The following RAI1 variants were observed in gnomAD, a reference collection of about 807,000 sequenced individuals.
RAI1 encodes retinoic acid-induced protein 1.
A neutral mutation model predicts 123.8 loss-of-function variants in RAI1; 9 were observed. That is an observed-to-expected ratio of 0.07 (90% confidence interval 0.04 to 0.13). The LOEUF is 0.13. RAI1 is among the 10% of genes least tolerant of loss of function. RAI1 has a pLI of 1.00. For synonymous variants in RAI1, 1,231 were observed against 1,127.3 expected, an observed-to-expected ratio of 1.09 and a Z score of -1.84; for missense variants, 2,256 against 2,545.8, an observed-to-expected ratio of 0.89 and a Z score of 2.45.
chr17:17,749,488 C>G (rs1019110413), intron 2 of RAI1, among the ~76,000 whole-genome samples: 3 of 152,222 alleles, frequency 2.0e-5, no homozygotes, highest in African/African-American at 7.2e-5. Context: ...CTCTGAGATT[C>G]AGAGATGCCC....
intron 2 of RAI1, among the ~76,000 whole-genome samples, chr17:17,772,099 G>A (rs2031182157): frequency 6.6e-6 from 1 of 152,190 alleles, no homozygotes; most frequent in Admixed American, 6.5e-5. Flanking sequence ...GGAAATGTAA[G>A]CCAGACTCAA....
Position 17,714,435 on chromosome 17 carries a change from T to G in RAI1, c.-148-9593T>G, listed in dbSNP as rs1178448172. On this transcript the variant is annotated intron_variant, in intron 1 of 5. Transcript: ENST00000353383. The surrounding 1 kb of genome is among the most constrained non-coding windows in gnomAD (Gnocchi z 4.9). ...CTGTGAAATTGGAATTTGATACTAA[T>G]CCTGGAGATTGAAAACTCAAACCTC... Among the ~76,000 whole-genome samples the G allele has an allele frequency of 6.6e-6, 1 of 152,042 alleles. No individual in the cohort carries two copies. Among genetic ancestry groups the G allele is most frequent in the African/African-American group, 2.4e-5 (1 of 41,386 alleles).
At chr17:17,682,967 C>T (rs548632979) in intron 1 of RAI1, among the ~76,000 whole-genome samples, 10 of 152,204 alleles carry the variant, frequency 6.6e-5, no homozygotes, top group Non-Finnish European at 1.2e-4. Flanking sequence ...GGCGCTGCTC[C>T]GCGCGCCGCA....
At chr17:17,773,117 T>C (rs1017500711) in intron 2 of RAI1, among the ~76,000 whole-genome samples, 3 of 150,300 alleles carry the variant, frequency 2.0e-5, no homozygotes, top group African/African-American at 7.4e-5. Context: ...AGGTGAATAA[T>C]AGATGGGTGG....
At chr17:17,807,353 C>G (rs1397555727) in intron 4 of RAI1, among the ~76,000 whole-genome samples, 5 of 152,134 alleles carry the variant, frequency 3.3e-5, no homozygotes, top group African/African-American at 1.2e-4. Flanking sequence ...GTGTCAGGCA[C>G]TGGGACTGCA....
Position 17,794,949 on chromosome 17 carries a change from G to A in RAI1, c.2001G>A (p.Leu667=), listed in dbSNP as rs201660954. The change falls in exon 3 of 6, where the codon CTG becomes CTA. Residue 667 remains leucine (L), a synonymous_variant. Transcript: ENST00000353383. ...AWPRPGEPEA[L]PDSLQLDKGG... ...CCCGGCCTGGGGAGCCGGAGGCCCT[G>A]CCCGACTCCTTGCAGCTGGACAAGG... 107 of 1,613,730 alleles carry A rather than the reference G, an allele frequency of 6.6e-5. 2 individuals are homozygous for A. In the Middle Eastern group the frequency reaches 2.3e-3, roughly 35 times the overall value.
rs543220098 is a variant in RAI1, at chr17:17,700,663, G to A, written c.-149+18870G>A. Among the ~76,000 whole-genome samples, 22 of 152,220 alleles carry A rather than the reference G, an allele frequency of 1.4e-4. No individual in the cohort carries two copies. In the East Asian group the frequency reaches 2.9e-3, roughly 20 times the overall value. ...ATGGGAGAGAAGAGGAGAGCAGCGG[G>A]GCCTCCGCGAGGCCGGGCCTCGTCC... On this transcript the variant is annotated intron_variant, in intron 1 of 5. Coordinates refer to ENST00000353383, the MANE Select transcript of RAI1 (RefSeq NM_030665.4).
intron 1 of RAI1, among the ~76,000 whole-genome samples, chr17:17,686,044 T>C (rs1463199135): frequency 3.3e-5 from 5 of 152,224 alleles, no homozygotes; most frequent in African/African-American, 4.8e-5. Flanking sequence ...CACGGAATTA[T>C]CGGCAATTCT....
rs1358556910 is a variant in RAI1, at chr17:17,808,409, ATTTTATTATTTTATT to A, written c.5660-978_5660-964del. 8.7e-4 allele frequency among the ~76,000 whole-genome samples: 89 copies of A among 102,452 alleles called. No individual in the cohort carries two copies. The East Asian group carries it at 0.024, about 27-fold the overall frequency. The allele number at this position is 102,452 out of a possible 152,430, so 67.2% of individuals were successfully genotyped here. On this transcript the variant is annotated intron_variant, in intron 4 of 5. Coordinates refer to ENST00000353383, the MANE Select transcript of RAI1 (RefSeq NM_030665.4). ...TTATTATTTTATTTTATTTTATTTT[ATTTTATTATTTTATT>A]TTATTTTATTTTATTTTATTTTATT...
At chr17:17,736,467 CCCAGTCA>C (rs1916438753) in intron 2 of RAI1, among the ~76,000 whole-genome samples, 1 of 152,194 alleles carries the variant, frequency 6.6e-6, no homozygotes, top group African/African-American at 2.4e-5. Flanking sequence ...GGGGAGGAGG[CCCAGTCA>C]CTGCTTAGCT....
chr17:17,701,313 A>C (rs907937514), intron 1 of RAI1, among the ~76,000 whole-genome samples: 54 of 152,078 alleles, frequency 3.6e-4, no homozygotes, highest in African/African-American at 1.3e-3. Flanking sequence ...TGCTGCCCTG[A>C]GCCTTCTGCC....
Position 17,809,369 on chromosome 17 carries a change from G to C in RAI1, c.5660-21G>C. ...GGGCCCCCACCCTGTCCTAACCACC[G>C]AAACTTCTCTTTGGTCACAGGTTGC... On this transcript the variant is annotated intron_variant, in intron 4 of 5. Coordinates refer to ENST00000353383, the MANE Select transcript of RAI1 (RefSeq NM_030665.4). This position sits in a 1 kb window ranked among gnomAD's most constrained non-coding sequence, Gnocchi z 4.9. 6.3e-7 allele frequency: 1 copy of C among 1,598,722 alleles called. No individual in the cohort carries two copies. The highest frequency in any genetic ancestry group is 8.6e-7 in the Non-Finnish European group (1 of 1,166,148).
In RAI1 at chr17:17,796,293, G is replaced by T; in HGVS notation, c.3345G>T (p.Leu1115=). 6.2e-7 allele frequency: 1 copy of T among 1,605,204 alleles called. No homozygotes were observed. Among genetic ancestry groups the T allele is most frequent in the South Asian group, 1.1e-5 (1 of 90,844 alleles). The part of the protein sequence containing the change: ...AASSPSNPAA[L]PVASDSSPMG... ...CCAGCCCCAGCAACCCGGCCGCCCT[G>T]CCTGTGGCCTCCGACAGCAGCCCGA... The change falls in exon 3 of 6, where the codon CTG becomes CTT. Residue 1115 remains leucine, a synonymous_variant. Coordinates refer to ENST00000353383, the MANE Select transcript of RAI1 (RefSeq NM_030665.4). This position sits in a 1 kb window ranked among gnomAD's most constrained non-coding sequence, Gnocchi z 5.8.
At chr17:17,783,710 C>A (rs1301182718) in intron 2 of RAI1, among the ~76,000 whole-genome samples, 1 of 151,872 alleles carries the variant, frequency 6.6e-6, no homozygotes, top group Non-Finnish European at 1.5e-5. Flanking sequence ...CGCCCCCGCC[C>A]CGGATCTGGT....
rs146285416 is a variant in RAI1 at position 17,792,371 on chromosome 17, G to A, written c.-16-562G>A. On this transcript the variant is annotated intron_variant, in intron 2 of 5. Transcript: ENST00000353383. ...TGAGCATACATATGCTTGTGTGCAC[G>A]CATGTGCGTGGGGACAGGGGCAGAC... Among the ~76,000 whole-genome samples the A allele has an allele frequency of 4.9e-3, 738 of 152,134 alleles. 8 individuals are homozygous for A. Among genetic ancestry groups the A allele is most frequent in the South Asian group, 0.02 (98 of 4,830 alleles).
intron 2 of RAI1, among the ~76,000 whole-genome samples, chr17:17,783,315 C>G (rs2031681528): frequency 1.3e-5 from 2 of 152,002 alleles, no homozygotes; most frequent in Non-Finnish European, 1.5e-5. Flanking sequence ...CCGAGGTTGC[C>G]GTGACCTTGC....
At chr17:17,694,613 TCCCGCCCCTC>T (rs956999757) in intron 1 of RAI1, among the ~76,000 whole-genome samples, 3 of 151,678 alleles carry the variant, frequency 2.0e-5, no homozygotes, top group African/African-American at 7.3e-5. Flanking sequence ...TTCCTGCCGG[TCCCGCCCCTC>T]CCCGCCCGCG....
In RAI1 at chr17:17,810,431, T is replaced by C; in HGVS notation, c.*450T>C. Reference sequence around the variant, plus strand: ...TGGCGTGCAGCTGGGAGCCCTGGGCTTGGGGGTGGGGGTCGAAACAGTACT... The same window carrying C: ...TGGCGTGCAGCTGGGAGCCCTGGGCCTGGGGGTGGGGGTCGAAACAGTACT... On this transcript the variant is annotated 3_prime_UTR_variant, in exon 6 of 6. Coordinates refer to ENST00000353383, the MANE Select transcript of RAI1 (RefSeq NM_030665.4). The surrounding 1 kb of genome is among the most constrained non-coding windows in gnomAD (Gnocchi z 4.6). 1 of 224,544 alleles carries C rather than the reference T, an allele frequency of 4.5e-6. No homozygotes were observed. The highest frequency in any genetic ancestry group is 9.0e-6 in the Non-Finnish European group (1 of 111,172). 13.9% of individuals were successfully genotyped at this position (224,544 alleles called of 1,614,324 possible). A position where few individuals can be genotyped will look rare whatever the true frequency, so the allele number is the denominator to read the frequency against.
chr17:17,686,684 A>G, intron 1 of RAI1, among the ~76,000 whole-genome samples: 1 of 147,666 alleles, frequency 6.8e-6, no homozygotes, highest in East Asian at 2.0e-4. Flanking sequence ...GGGGTGGAGG[A>G]CCTGGGGAGT....
Sources: allele counts gnomAD v4.1 joint callset (sites outside exome capture counted in the v4.1 genomes callset), GRCh38; gene constraint gnomAD v4.1.1; non-coding constraint Gnocchi (gnomAD v3.1); transcripts MANE v1.5; gene names NCBI Gene and HGNC (gene_info 2026-07-23, HGNC 2026-07-21).